STIM2: variants seen among roughly 807,000 people sequenced by gnomAD.
The protein encoded by STIM2 is stromal interaction molecule 2.
In STIM2, 31 loss-of-function variants were observed where a neutral mutation model predicts 85.8. The observed-to-expected ratio is 0.36, with a 90% CI of 0.27 to 0.49. The LOEUF is 0.49. STIM2 is among the 20% of genes least tolerant of loss of function. The probability of loss-of-function intolerance (pLI) is 0.98; values close to 1 mark genes in which losing one functional copy is unlikely to be tolerated. For missense variants in STIM2, 841 were observed against 927.6 expected (o/e 0.91, Z 1.21); for synonymous variants, 356 against 331.1 (o/e 1.08, Z -0.82).
At chr4:26,920,073 T>C (rs931146239) in intron 2 of STIM2, among the ~76,000 whole-genome samples, 9 of 152,142 alleles carry the variant, frequency 5.9e-5, no homozygotes, top group African/African-American at 2.2e-4. Flanking sequence ...TCTTGGGAGC[T>C]CTGTTGGGGC....
intron 1 of STIM2, among the ~76,000 whole-genome samples, chr4:26,872,305 T>C (rs1722652670): frequency 6.6e-6 from 1 of 152,128 alleles, no homozygotes; most frequent in Non-Finnish European, 1.5e-5. Context: ...CAGTGTGATA[T>C]TAAAAAAAAA....
chr4:26,998,179 G>T (rs112331941), intron 4 of STIM2, among the ~76,000 whole-genome samples: 7 of 152,286 alleles, frequency 4.6e-5, no homozygotes, highest in African/African-American at 1.7e-4. Context: ...TAGACTTTGT[G>T]TAATGAAATC....
chr4:27,003,112 C>A lies in STIM2; in HGVS notation c.981+8C>A. 1 of 1,555,274 alleles carries A rather than the reference C, an allele frequency of 6.4e-7. No individual in the cohort carries two copies. The highest frequency in any genetic ancestry group is 2.2e-5 in the Admixed American group (1 of 45,446). ...GAACAGGAATTGGAACAGGTATTTACATTAAAAAAAAAATCACTTGTAAAG... is the reference window on the plus strand; with the variant it reads ...GAACAGGAATTGGAACAGGTATTTAAATTAAAAAAAAAATCACTTGTAAAG... On this transcript the variant is annotated splice_region_variant and intron_variant, in intron 7 of 11. Coordinates refer to ENST00000467087, the MANE Select transcript of STIM2 (RefSeq NM_020860.4).
intron 3 of STIM2, among the ~76,000 whole-genome samples, chr4:26,965,904 T>C (rs1251964106): frequency 6.6e-6 from 1 of 152,196 alleles, no homozygotes; most frequent in African/African-American, 2.4e-5. Flanking sequence ...AATTCTATTC[T>C]GTAGGAACAC....
Position 26,995,511 on chromosome 4 carries a change from T to G in STIM2, c.509+21T>G, listed in dbSNP as rs759139168. 4.0e-6 allele frequency: 6 copies of G among 1,493,364 alleles called. 1 individual carries two copies. The South Asian group carries it at 7.3e-5, about 18-fold the overall frequency. The allele number at this position is 1,493,364 out of a possible 1,614,324, so 92.5% of individuals were successfully genotyped here. ...CCCAGGTGAGTCTTTGTTATGCAAA[T>G]GTATTTTCCACTCAGGGAGAATTAT... On this transcript the variant is annotated intron_variant, in intron 4 of 11. Transcript: ENST00000467087.
intron 2 of STIM2, among the ~76,000 whole-genome samples, chr4:26,921,556 A>C (rs552310670): frequency 1.3e-5 from 2 of 152,374 alleles, no homozygotes; most frequent in Non-Finnish European, 2.9e-5. Flanking sequence ...TTATTTGCAA[A>C]AACAAGCAGC....
chr4:26,933,962 G>A (rs907893096), intron 2 of STIM2, among the ~76,000 whole-genome samples: 2 of 152,238 alleles, frequency 1.3e-5, no homozygotes, highest in South Asian at 4.1e-4. Flanking sequence ...GGGAGGCTGA[G>A]GGGAGAGGAT....
intron 3 of STIM2, among the ~76,000 whole-genome samples, chr4:26,980,044 G>A (rs924930936): frequency 1.3e-5 from 2 of 152,154 alleles, no homozygotes; most frequent in African/African-American, 4.8e-5. Flanking sequence ...GATTACAGGC[G>A]TGAGCCACTG....
At chr4:26,999,191 TAA>T (rs1728061343) in intron 4 of STIM2, 39 bp from the exon 5 acceptor site, 6 of 851,672 alleles carry the variant, frequency 7.0e-6, no homozygotes, top group Non-Finnish European at 9.8e-6. Context: ...TATTTTCATT[TAA>T]TATATATATA....
intron 3 of STIM2, among the ~76,000 whole-genome samples, chr4:26,979,826 G>C (rs950340115): frequency 2.0e-5 from 3 of 152,156 alleles, no homozygotes; most frequent in African/African-American, 7.2e-5. Flanking sequence ...TAGTTTTATA[G>C]TTTATTGTGC....
chr4:26,976,570 G>T (rs148451473), intron 3 of STIM2, among the ~76,000 whole-genome samples: 3,672 of 152,048 alleles, frequency 0.024, 137 homozygotes, highest in African/African-American at 0.078. Context: ...CAGTTTGGGA[G>T]GTCTAGGCAG....
At chr4:26,918,974 T>A (rs921829063) in intron 1 of STIM2, among the ~76,000 whole-genome samples, 10 of 152,166 alleles carry the variant, frequency 6.6e-5, no homozygotes, top group African/African-American at 2.4e-4. Context: ...ATGGGTAGAC[T>A]CTTGGATTAT....
At chr4:26,999,097 C>T in intron 4 of STIM2, 135 bp from the exon 5 acceptor site, 1 of 313,552 alleles carries the variant, frequency 3.2e-6, no homozygotes, top group Non-Finnish European at 5.7e-6. Context: ...TTAAATCACA[C>T]ATGGATGAGC....
At chr4:26,972,786 T>G (rs1727012996) in intron 3 of STIM2, among the ~76,000 whole-genome samples, 1 of 152,236 alleles carries the variant, frequency 6.6e-6, no homozygotes, top group South Asian at 2.1e-4. Flanking sequence ...CCTCTTTTCC[T>G]GTTGATTGGA....
At chr4:26,885,861 A>ATATATATATATATATATATATATATATG (rs1723220982) in intron 1 of STIM2, among the ~76,000 whole-genome samples, 1 of 77,734 alleles carries the variant, frequency 1.3e-5, no homozygotes, top group African/African-American at 5.6e-5. Context: ...ATATATATAT[A>ATATATATATATATATATATATATATATG]TATATATATA....
intron 10 of STIM2, among the ~76,000 whole-genome samples, chr4:27,017,379 T>A (rs1478498218): frequency 6.6e-6 from 1 of 152,224 alleles, no homozygotes; most frequent in Non-Finnish European, 1.5e-5. Flanking sequence ...TCATAAAAAA[T>A]TTGTGATACA....
intron 1 of STIM2, among the ~76,000 whole-genome samples, chr4:26,906,098 A>G (rs981299224): frequency 6.6e-6 from 1 of 152,200 alleles, no homozygotes; most frequent in African/African-American, 2.4e-5. Context: ...GTGCAGCCAT[A>G]AAAAGAACAA....
At chr4:27,021,940 G>GT (rs1049721059) in intron 11 of STIM2, among the ~76,000 whole-genome samples, 6 of 151,976 alleles carry the variant, frequency 3.9e-5, no homozygotes, top group East Asian at 3.9e-4. Context: ...CTGAATGTCT[G>GT]TTTTTTTTAA....
chr4:26,972,835 C>T (rs1385172732), intron 3 of STIM2, among the ~76,000 whole-genome samples: 1 of 152,136 alleles, frequency 6.6e-6, no homozygotes, highest in Non-Finnish European at 1.5e-5. Context: ...CTCTTTGTAC[C>T]TCTGGTAGAA....
Sources: gnomAD v4.1 joint callset for allele counts (sites outside exome capture counted in the v4.1 genomes callset) on GRCh38, gnomAD v4.1.1 for gene constraint, MANE v1.5 for transcripts, NCBI Gene and HGNC (gene_info 2026-07-23, HGNC 2026-07-21) for gene names.